MAST2: variants seen among roughly 807,000 people sequenced by gnomAD.
MAST2 encodes the protein microtubule associated serine/threonine kinase 2.
MAST2 carries 70 observed loss-of-function variants against 147.4 expected under a neutral mutation model. That is an observed-to-expected ratio of 0.47 (90% confidence interval 0.39 to 0.58). The LOEUF is 0.58. Among genes scored for constraint, MAST2 ranks in the 20% least tolerant of loss-of-function variants. MAST2 has a pLI of 0.00. For missense variants in MAST2, 2,080 were observed against 2,302.3 expected (o/e 0.90, Z 1.98); for synonymous variants, 869 against 896.8 (o/e 0.97, Z 0.55).
intron 5 of MAST2, among the ~76,000 whole-genome samples, chr1:45,960,023 A>G (rs1660187547): frequency 6.6e-6 from 1 of 152,116 alleles, no homozygotes. Context: ...CTCCCACCTC[A>G]TCCTCCAAAG....
Position 46,030,619 on chromosome 1 carries a change from A to G in MAST2, c.2566A>G (p.Met856Val). 6.2e-7 allele frequency: 1 copy of G among 1,610,076 alleles called. No homozygotes were observed. Among genetic ancestry groups the G allele is most frequent in the Non-Finnish European group, 8.5e-7 (1 of 1,178,870 alleles). ...CCTGTGCCCACAGGTGTACAGCAGC[A>G]TGGAGCGGCTCTCACTGCTCGAGGA... is the stretch of plus-strand genomic sequence containing the variant. ...SPRFNKVYSS[M>V]ERLSLLEERR... Residue 856 changes from methionine to valine, a missense_variant, in exon 22 of 29, where the codon ATG (methionine) becomes GTG (valine). By Grantham distance (21) the Met-to-Val change is conservative. Around this residue, in one of 4 missense-constraint regions of MAST2, gnomAD observed 1,278 missense variants for 1,304.2 expected, o/e 0.98. Coordinates refer to ENST00000361297, the MANE Select transcript of MAST2 (RefSeq NM_015112.3).
At chr1:46,022,889 C>CA in intron 12 of MAST2, 21 bp from the exon 13 acceptor site, 27 of 1,604,246 alleles carry the variant, frequency 1.7e-5, no homozygotes, top group Non-Finnish European at 2.3e-5. Flanking sequence ...GCACATTCTT[C>CA]TCTTGTATCT....
At chr1:45,895,093 A>AC (rs1557877799) in intron 4 of MAST2, among the ~76,000 whole-genome samples, 1 of 152,204 alleles carries the variant, frequency 6.6e-6, no homozygotes. Context: ...GCCTCAGGCA[A>AC]CCACTGATCT....
In MAST2 at chr1:46,017,869, G is replaced by T. The variant is rs554331028; in HGVS notation, c.1189-1727G>T. On this transcript the variant is annotated intron_variant, in intron 10 of 28. Coordinates refer to ENST00000361297, the MANE Select transcript of MAST2 (RefSeq NM_015112.3). ...TGCTGCTATAAAGACACATGCACAC[G>T]TATGTTTATTGCGGCACTATTCACA... is the stretch of plus-strand genomic sequence containing the variant. Among the ~76,000 whole-genome samples, 13 of 152,240 alleles carry T rather than the reference G, an allele frequency of 8.5e-5. No individual in the cohort carries two copies. In the East Asian group the frequency reaches 1.7e-3, roughly 20 times the overall value.
At chr1:45,853,864 A>G (rs1046512072) in intron 3 of MAST2, among the ~76,000 whole-genome samples, 5 of 151,824 alleles carry the variant, frequency 3.3e-5, no homozygotes, top group Non-Finnish European at 1.5e-5. Flanking sequence ...AAAAATTTAC[A>G]GTTTTATTTT....
chr1:45,853,264 A>G (rs2148005011), intron 3 of MAST2, among the ~76,000 whole-genome samples: 1 of 152,180 alleles, frequency 6.6e-6, no homozygotes, highest in African/African-American at 2.4e-5. Context: ...TGTATTCTAA[A>G]TATAAATTCC....
chr1:46,031,343 G>A lies in MAST2; in HGVS notation c.2993-48G>A. The A allele has an allele frequency of 1.9e-6, 3 of 1,576,756 alleles. No homozygotes were observed. The highest frequency in any genetic ancestry group is 1.7e-6 in the Non-Finnish European group (2 of 1,157,580). On this transcript the variant is annotated intron_variant, in intron 23 of 28. Coordinates refer to ENST00000361297, the MANE Select transcript of MAST2 (RefSeq NM_015112.3). The surrounding 1 kb of genome is among the most constrained non-coding windows in gnomAD (Gnocchi z 4.1). ...CTAAGCTGGAGGATACTGCAGGGCA[G>A]GGAGGCTCAGCGGCATCGCGGGTCT...
intron 4 of MAST2, among the ~76,000 whole-genome samples, chr1:45,910,753 G>T (rs1320976376): frequency 6.6e-6 from 1 of 152,184 alleles, no homozygotes; most frequent in East Asian, 1.9e-4. Context: ...CAGTTAATTT[G>T]TCTTGTCTTT....
chr1:45,874,824 A>T (rs1391600344), intron 3 of MAST2, among the ~76,000 whole-genome samples: 2 of 152,206 alleles, frequency 1.3e-5, no homozygotes, highest in African/African-American at 4.8e-5. Context: ...TGATTGAGGA[A>T]TTAAAGGAAT....
At chr1:46,021,717 G>T (rs1236779790) in intron 11 of MAST2, among the ~76,000 whole-genome samples, 1 of 152,166 alleles carries the variant, frequency 6.6e-6, no homozygotes, top group African/African-American at 2.4e-5. Flanking sequence ...AGTTCTTACT[G>T]CCAGGAAGAC....
chr1:45,997,916 C>T, intron 6 of MAST2, 117 bp downstream of exon 6: 1 of 855,034 alleles, frequency 1.2e-6, no homozygotes, highest in Non-Finnish European at 1.9e-6. Flanking sequence ...TTACCTGAAG[C>T]TCCCATCCAT....
intron 3 of MAST2, among the ~76,000 whole-genome samples, chr1:45,830,179 A>ATT (rs1453012743): frequency 5.7e-5 from 5 of 88,366 alleles, no homozygotes; most frequent in African/African-American, 2.0e-4. Flanking sequence ...TTTTAATTGA[A>ATT]TCTTTTTTTT....
chr1:45,888,087 G>A (rs1647172449), intron 4 of MAST2, among the ~76,000 whole-genome samples: 1 of 152,304 alleles, frequency 6.6e-6, no homozygotes, highest in Admixed American at 6.5e-5. Flanking sequence ...TAGTTGTCAT[G>A]CTCATTATCC....
At chr1:45,931,383 T>TTC (rs1655275710) in intron 4 of MAST2, among the ~76,000 whole-genome samples, 1 of 147,212 alleles carries the variant, frequency 6.8e-6, no homozygotes, top group East Asian at 2.0e-4. Context: ...TTCTGTTTTT[T>TTC]TTTTTTTTTT....
intron 1 of MAST2, among the ~76,000 whole-genome samples, chr1:45,806,869 G>A (rs1268134529): frequency 6.6e-6 from 1 of 151,844 alleles, no homozygotes; most frequent in Non-Finnish European, 1.5e-5. Context: ...GAACTACCAC[G>A]GCCTAATTTT....
chr1:45,872,759 G>T (rs1317232182), intron 3 of MAST2, among the ~76,000 whole-genome samples: 2 of 152,076 alleles, frequency 1.3e-5, no homozygotes, highest in African/African-American at 4.8e-5. Flanking sequence ...TGGATTACAG[G>T]CGTGAGCCAC....
At chr1:46,005,478 T>C (rs893901175) in intron 7 of MAST2, among the ~76,000 whole-genome samples, 5 of 152,196 alleles carry the variant, frequency 3.3e-5, no homozygotes, top group Non-Finnish European at 5.9e-5. Context: ...GGGAGTTCCC[T>C]GATCCTGGGA....
intron 9 of MAST2, 142 bp from the exon 10 acceptor site, chr1:46,010,588 G>T: frequency 4.6e-6 from 3 of 654,436 alleles, no homozygotes; most frequent in Non-Finnish European, 7.9e-6. Flanking sequence ...AATGTCTTCA[G>T]TTATCAGGTT....
chr1:45,880,519 T>G (rs1646796031), intron 3 of MAST2, among the ~76,000 whole-genome samples: 1 of 152,200 alleles, frequency 6.6e-6, no homozygotes, highest in Admixed American at 6.5e-5. Context: ...AACAGACTTA[T>G]CAATTGGCAT....
Sources: allele counts gnomAD v4.1 joint callset (sites outside exome capture counted in the v4.1 genomes callset), GRCh38; gene constraint gnomAD v4.1.1; regional missense constraint gnomAD v4.1.1; non-coding constraint Gnocchi (gnomAD v3.1); transcripts MANE v1.5; gene names NCBI Gene and HGNC (gene_info 2026-07-23, HGNC 2026-07-21).